Variants in KHDRBS2 observed in about 807,000 individuals in gnomAD.
The protein encoded by KHDRBS2 is KH RNA binding domain containing, signal transduction associated 2.
In KHDRBS2, 26 loss-of-function variants were observed where a neutral mutation model predicts 44.3. The ratio of observed to expected loss-of-function variants is 0.59; its 90% confidence interval spans 0.43 to 0.81. The LOEUF is 0.81. Among genes scored for constraint, KHDRBS2 ranks in the 40% least tolerant of loss-of-function variants. The pLI, the probability that KHDRBS2 is intolerant of heterozygous loss-of-function variation, is 0.00. For missense variants in KHDRBS2, 476 were observed against 433.1 expected (o/e 1.10, Z -0.88); for synonymous variants, 194 against 151.1 (o/e 1.28, Z -2.08).
In KHDRBS2 at chr6:62,026,438, A is replaced by ATTT. The variant is rs70993194; in HGVS notation, c.336+21437_336+21439dup. On this transcript the variant is annotated intron_variant, in intron 3 of 8. Coordinates refer to ENST00000281156, the MANE Select transcript of KHDRBS2 (RefSeq NM_152688.4). ...TTTATTTATTATTATTATTATTATT[A>ATTT]TTTTTTTTTTTGGAGAAAAGGTCTC... 4.8e-5 allele frequency among the ~76,000 whole-genome samples: 7 copies of ATTT among 146,150 alleles called. No individual in the cohort carries two copies. In the East Asian group the frequency reaches 7.9e-4, roughly 17 times the overall value.
chr6:62,149,720 G>A (rs1327392996), intron 2 of KHDRBS2, among the ~76,000 whole-genome samples: 8 of 152,132 alleles, frequency 5.3e-5, no homozygotes, highest in Non-Finnish European at 1.0e-4. Context: ...GTTAAATAGG[G>A]TGCAGTGATT....
chr6:61,931,013 A>T (rs1809938321), intron 4 of KHDRBS2, among the ~76,000 whole-genome samples: 1 of 152,142 alleles, frequency 6.6e-6, no homozygotes. Flanking sequence ...CTGCATATGT[A>T]ATAAAATACC....
chr6:61,564,859 A>T, the KHDRBS2 span, among the ~76,000 whole-genome samples: 1 of 152,140 alleles, frequency 6.6e-6, no homozygotes, highest in Non-Finnish European at 1.5e-5. Flanking sequence ...AAAAGAACAA[A>T]GATGGAAATA....
chr6:61,781,738 A>G (rs570475782), intron 6 of KHDRBS2, among the ~76,000 whole-genome samples: 6 of 152,268 alleles, frequency 3.9e-5, no homozygotes, highest in Admixed American at 2.0e-4. Context: ...CTAATTTTTC[A>G]TCATCCACTC....
intron 3 of KHDRBS2, among the ~76,000 whole-genome samples, chr6:62,016,488 A>G (rs1034977087): frequency 1.3e-4 from 20 of 150,830 alleles, no homozygotes; most frequent in Non-Finnish European, 2.4e-4. Context: ...GTATATATAT[A>G]TAGTGTGGAT....
At chr6:61,657,509 C>G in the KHDRBS2 span, among the ~76,000 whole-genome samples, 5 of 151,912 alleles carry the variant, frequency 3.3e-5, no homozygotes, top group Non-Finnish European at 7.4e-5. Context: ...GCAACATAAG[C>G]AAAATAGTTT....
intron 2 of KHDRBS2, among the ~76,000 whole-genome samples, chr6:62,111,970 G>A (rs1487809845): frequency 3.9e-5 from 6 of 151,988 alleles, no homozygotes; most frequent in Non-Finnish European, 5.9e-5. Flanking sequence ...CAAGAAATTT[G>A]GATTTCTAAG....
At chr6:62,115,474 G>T (rs1805999680) in intron 2 of KHDRBS2, among the ~76,000 whole-genome samples, 1 of 152,184 alleles carries the variant, frequency 6.6e-6, no homozygotes, top group Admixed American at 6.6e-5. Context: ...AAGCTAGGAT[G>T]AAATCCAAAT....
chr6:61,984,854 T>C (rs1451444237), intron 3 of KHDRBS2, among the ~76,000 whole-genome samples: 4 of 152,220 alleles, frequency 2.6e-5, no homozygotes, highest in Non-Finnish European at 4.4e-5. Flanking sequence ...TATTCAGTTA[T>C]AATTCATTTT....
chr6:61,998,189 CA>C (rs1777576968), intron 3 of KHDRBS2, among the ~76,000 whole-genome samples: 1 of 152,022 alleles, frequency 6.6e-6, no homozygotes, highest in South Asian at 2.1e-4. Flanking sequence ...AGAGTAGTCT[CA>C]AAAGCCATGA....
intron 2 of KHDRBS2, among the ~76,000 whole-genome samples, chr6:62,089,935 A>G (rs1243215341): frequency 6.6e-6 from 1 of 152,172 alleles, no homozygotes; most frequent in Non-Finnish European, 1.5e-5. Flanking sequence ...GAAGTACAGT[A>G]AATAGTGAAG....
chr6:62,025,821 G>A (rs1176565050), intron 3 of KHDRBS2, among the ~76,000 whole-genome samples: 2 of 151,864 alleles, frequency 1.3e-5, no homozygotes, highest in African/African-American at 4.8e-5. Flanking sequence ...TCCAGCTTTT[G>A]CTTATTATTT....
At chr6:62,151,905 A>G (rs1431284350) in intron 2 of KHDRBS2, among the ~76,000 whole-genome samples, 1 of 152,242 alleles carries the variant, frequency 6.6e-6, no homozygotes, top group Non-Finnish European at 1.5e-5. Flanking sequence ...AGTTAATATA[A>G]GTATGTGGTC....
At chr6:62,252,833 A>G (rs922183046) in intron 1 of KHDRBS2, among the ~76,000 whole-genome samples, 2 of 152,042 alleles carry the variant, frequency 1.3e-5, no homozygotes, top group Non-Finnish European at 2.9e-5. Context: ...AGGTCAGTCT[A>G]TTGATAATTT....
At chr6:62,087,060 A>T (rs1798529923) in intron 2 of KHDRBS2, among the ~76,000 whole-genome samples, 1 of 152,184 alleles carries the variant, frequency 6.6e-6, no homozygotes, top group Admixed American at 6.5e-5. Flanking sequence ...GAACTATGTA[A>T]ATTTATAAGA....
chr6:62,002,693 A>G lies in KHDRBS2; in HGVS notation c.337-24481T>C, dbSNP rs559464250. Among the ~76,000 whole-genome samples, 242 of 151,456 alleles carry G rather than the reference A, an allele frequency of 1.6e-3. 1 individual carries two copies. The highest frequency in any genetic ancestry group is 2.7e-3 in the Non-Finnish European group (182 of 67,696). On this transcript the variant is annotated intron_variant, in intron 3 of 8. Transcript: ENST00000281156. Reference sequence around the variant, plus strand: ...ATAAAAATTACAAAGAAGGTAATATAAATGGCATTATCATGAAAGTCTCAT... The same window carrying G: ...ATAAAAATTACAAAGAAGGTAATATGAATGGCATTATCATGAAAGTCTCAT...
intron 2 of KHDRBS2, among the ~76,000 whole-genome samples, chr6:62,169,454 C>T (rs899498046): frequency 6.6e-6 from 1 of 151,936 alleles, no homozygotes. Context: ...ATGTGTACTG[C>T]TCTCATGGAG....
In KHDRBS2 at chr6:62,093,057, A is replaced by G. The variant is rs184076461; in HGVS notation, c.220-45063T>C. On this transcript the variant is annotated intron_variant, in intron 2 of 8. Transcript: ENST00000281156. Reference sequence around the variant, plus strand: ...TTATTTTGTGTATCTTTATTAATACATATTTGTATGTCTTATTCAACTATA... The same window carrying G: ...TTATTTTGTGTATCTTTATTAATACGTATTTGTATGTCTTATTCAACTATA... Among the ~76,000 whole-genome samples the G allele has an allele frequency of 3.8e-3, 580 of 152,140 alleles. 1 individual carries two copies. The highest frequency in any genetic ancestry group is 6.5e-3 in the Non-Finnish European group (444 of 67,924).
chr6:61,722,219 A>T (rs1171901332), intron 7 of KHDRBS2, among the ~76,000 whole-genome samples: 1 of 152,104 alleles, frequency 6.6e-6, no homozygotes, highest in Non-Finnish European at 1.5e-5. Flanking sequence ...ATGTTCATCA[A>T]GGATATTGGT....
Sources: allele counts gnomAD v4.1 joint callset (sites outside exome capture counted in the v4.1 genomes callset), GRCh38; gene constraint gnomAD v4.1.1; transcripts MANE v1.5; gene names NCBI Gene and HGNC (gene_info 2026-07-23, HGNC 2026-07-21).